The following LDOC1 variants were observed in gnomAD, a reference collection of about 807,000 sequenced individuals.
LDOC1 encodes the protein protein LDOC1.
LDOC1 carries 1 observed loss-of-function variant against 4.9 expected under a neutral mutation model. That is an observed-to-expected ratio of 0.20 (90% CI 0.07 to 0.96). The LOEUF (loss-of-function observed/expected upper bound fraction) is 0.96, where lower values mean the gene tolerates loss of function less well. LDOC1 is among the 40% of genes least tolerant of loss of function. The pLI, the probability that LDOC1 is intolerant of heterozygous loss-of-function variation, is 0.62. For missense variants in LDOC1, 76 were observed against 128.1 expected, an observed-to-expected ratio of 0.59 and a Z score of 1.96; for synonymous variants, 55 against 58.3, an observed-to-expected ratio of 0.94 and a Z score of 0.26.
rs782576203 is a variant in LDOC1, at chrX:141,175,738, A to T, written c.*843T>A. On this transcript the variant is annotated 3_prime_UTR_variant, in exon 1 of 1. Coordinates refer to ENST00000370526, the MANE Select transcript of LDOC1 (RefSeq NM_012317.4). Reference sequence around the variant, plus strand: ...AGTGATAGCACTTAACCATTAAAAGACAATCATTTCTTTTTTTAGTGCTTG... The same window carrying T: ...AGTGATAGCACTTAACCATTAAAAGTCAATCATTTCTTTTTTTAGTGCTTG... The T allele has an allele frequency of 8.9e-6, 1 of 112,609 alleles. No homozygotes were observed. Among genetic ancestry groups the T allele is most frequent in the Non-Finnish European group, 1.9e-5 (1 of 53,326 alleles). 9.3% of individuals were successfully genotyped at this position (112,609 alleles called of 1,213,427 possible).
In LDOC1 at chrX:141,176,871, C is replaced by T. The variant is rs2013622648; in HGVS notation, c.151G>A (p.Val51Met). The change falls in exon 1 of 1, where the codon GTG (valine) becomes ATG (methionine). Residue 51 changes from valine to methionine, a missense_variant. By Grantham distance (21) the Val-to-Met change is conservative (BLOSUM62 1). Transcript: ENST00000370526. Reference protein sequence around the residue: ...LRQVRPPSCPVPFPETFNGES... With the variant: ...LRQVRPPSCPMPFPETFNGES... ...CCATTAAACGTTTCGGGGAAGGGCA[C>T]CGGGCAGCTCGGCGGACGTACCTGG... 1 of 1,211,676 alleles carries T rather than the reference C, an allele frequency of 8.3e-7. No homozygotes were observed. The highest frequency in any genetic ancestry group is 2.2e-5 in the Admixed American group (1 of 46,107).
Position 141,177,083 on chromosome X carries a change from C to T in LDOC1, c.-62G>A. 2 of 1,133,021 alleles carry T rather than the reference C, an allele frequency of 1.8e-6. No homozygotes were observed. Among genetic ancestry groups the T allele is most frequent in the Non-Finnish European group, 2.3e-6 (2 of 854,929 alleles). The allele number at this position is 1,133,021 out of a possible 1,213,427, so 93.4% of individuals were successfully genotyped here. ...CGGCTCGGCCAAGGTGCGCACGGAG[C>T]CCTCGCAGGAAGTGCGTGTCCACGG... On this transcript the variant is annotated 5_prime_UTR_variant, in exon 1 of 1. Coordinates refer to ENST00000370526, the MANE Select transcript of LDOC1 (RefSeq NM_012317.4).
rs782745113 is a variant in LDOC1, at chrX:141,177,107, G to T, written c.-86C>A. Reference sequence around the variant, plus strand: ...GCCCTCGCAGGAAGTGCGTGTCCACGGAGGCGCTTGGTGGCCAGGGGCGGG... The same window carrying T: ...GCCCTCGCAGGAAGTGCGTGTCCACTGAGGCGCTTGGTGGCCAGGGGCGGG... On this transcript the variant is annotated 5_prime_UTR_variant, in exon 1 of 1. Coordinates refer to ENST00000370526, the MANE Select transcript of LDOC1 (RefSeq NM_012317.4). 5.6e-6 allele frequency: 4 copies of T among 710,606 alleles called. No homozygotes were observed. The East Asian group carries it at 1.7e-4, about 31-fold the overall frequency. 58.6% of individuals were successfully genotyped at this position (710,606 alleles called of 1,213,427 possible).
rs781860027 is a variant in LDOC1, at chrX:141,174,700, C to G, written c.*1881G>C. 6.2e-5 allele frequency among the ~76,000 whole-genome samples: 7 copies of G among 112,079 alleles called. No homozygotes were observed. The highest frequency in any genetic ancestry group is 1.3e-4 in the Non-Finnish European group (7 of 53,254). On this transcript the variant is annotated 3_prime_UTR_variant, in exon 1 of 1. Coordinates refer to ENST00000370526, the MANE Select transcript of LDOC1 (RefSeq NM_012317.4). ...ACCTATGAGGTGATTAATATGAAGACCCATATCTCATTTAATCAACACTGA... is the reference window on the plus strand; with the variant it reads ...ACCTATGAGGTGATTAATATGAAGAGCCATATCTCATTTAATCAACACTGA...
In LDOC1 at chrX:141,176,710, C is replaced by T; in HGVS notation, c.312G>A (p.Val104=). 8.2e-7 allele frequency: 1 copy of T among 1,212,232 alleles called. No homozygotes were observed. Among genetic ancestry groups the T allele is most frequent in the African/African-American group, 1.7e-5 (1 of 57,976 alleles). Residue 104 remains valine (V), a synonymous_variant, in exon 1 of 1, where the codon GTG becomes GTA. Coordinates refer to ENST00000370526, the MANE Select transcript of LDOC1 (RefSeq NM_012317.4). ...SLLTGEAEEW[V]VPYIEMDSPI... ...GGCTATCCATCTCGATGTAGGGCAC[C>T]ACCCACTCCTCGGCTTCCCCGGTGA...
In LDOC1 at chrX:141,173,406, T is replaced by A. The variant is rs2013589043; in HGVS notation, c.*3175A>T. 1 of 111,904 alleles carries A rather than the reference T, an allele frequency of 8.9e-6. No individual in the cohort carries two copies. Among genetic ancestry groups the A allele is most frequent in the African/African-American group, 3.2e-5 (1 of 30,770 alleles). The allele number at this position is 111,904 out of a possible 1,213,427, so 9.2% of individuals were successfully genotyped here. A position where few individuals can be genotyped will look rare whatever the true frequency, so the allele number is the denominator to read the frequency against. ...TCCTACCTATTTTTAATAGTTTTGA[T>A]CAAAGTGGCACTTTTATCCTTAGAC... On this transcript the variant is annotated 3_prime_UTR_variant, in exon 1 of 1. Coordinates refer to ENST00000370526, the MANE Select transcript of LDOC1 (RefSeq NM_012317.4).
chrX:141,175,825 C>T lies in LDOC1; in HGVS notation c.*756G>A, dbSNP rs2013608578. ...TAGTATTGAGGAGCTGGGCTGAGTG[C>T]TTGTTTGTTTTGTTTTTAAGTACTA... On this transcript the variant is annotated 3_prime_UTR_variant, in exon 1 of 1. Coordinates refer to ENST00000370526, the MANE Select transcript of LDOC1 (RefSeq NM_012317.4). The T allele has an allele frequency of 8.9e-6, 1 of 112,599 alleles. No individual in the cohort carries two copies. Among genetic ancestry groups the T allele is most frequent in the South Asian group, 3.7e-4 (1 of 2,704 alleles). The allele number at this position is 112,599 out of a possible 1,213,427, so 9.3% of individuals were successfully genotyped here.
chrX:141,176,651 T>C lies in LDOC1; in HGVS notation c.371A>G (p.Glu124Gly), dbSNP rs1267586753. ...ILGDYRAFLD[E>G]MKQCFGWDDD... ...ATCCCAGCCAAAGCACTGTTTCATC[T>C]CATCGAGGAAGGCCCGGTAATCACC... The change falls in exon 1 of 1, where the codon GAG becomes GGG. Residue 124 changes from glutamate (E) to glycine (G), a missense_variant. Glu to Gly is a moderately conservative substitution (Grantham distance 98, BLOSUM62 -2). Transcript: ENST00000370526. 8 of 1,209,990 alleles carry C rather than the reference T, an allele frequency of 6.6e-6. No individual in the cohort carries two copies. Among genetic ancestry groups the C allele is most frequent in the Non-Finnish European group, 8.9e-6 (8 of 895,127 alleles).
Position 141,175,016 on chromosome X carries a change from C to T in LDOC1, c.*1565G>A, listed in dbSNP as rs782587538. Among the ~76,000 whole-genome samples, 1 of 111,372 alleles carries T rather than the reference C, an allele frequency of 9.0e-6. No homozygotes were observed. The highest frequency in any genetic ancestry group is 1.9e-5 in the Non-Finnish European group (1 of 53,082). On this transcript the variant is annotated 3_prime_UTR_variant, in exon 1 of 1. Transcript: ENST00000370526. Reference sequence around the variant, plus strand: ...TGCAGCTTCTTCTCAGCAGCCACCCCCTTCACTGCTCTGAACCCTCCAGGC... The same window carrying T: ...TGCAGCTTCTTCTCAGCAGCCACCCTCTTCACTGCTCTGAACCCTCCAGGC...
Position 141,176,110 on chromosome X carries a change from T to G in LDOC1, c.*471A>C. On this transcript the variant is annotated 3_prime_UTR_variant, in exon 1 of 1. Transcript: ENST00000370526. ...ATAGCCAACTCTGGCATTTTCCAGG[T>G]TGGTCCTGATCTCGAAAGGTGGTAG... 1 of 136,241 alleles carries G rather than the reference T, an allele frequency of 7.3e-6. No homozygotes were observed. 11.2% of individuals were successfully genotyped at this position (136,241 alleles called of 1,213,427 possible).
chrX:141,176,908 G>A lies in LDOC1; in HGVS notation c.114C>T (p.Ala38=). Residue 38 remains alanine, a synonymous_variant, in exon 1 of 1, where the codon GCC becomes GCT. Transcript: ENST00000370526. The part of the protein sequence containing the change: ...EQLRLLVCER[A]SLLRQVRPPS... ...GCGGACGTACCTGGCGCAGCAGGCT[G>A]GCCCTCTCGCACACCAGCAGCCGCA... The A allele has an allele frequency of 5.0e-6, 6 of 1,211,667 alleles. No individual in the cohort carries two copies. Among genetic ancestry groups the A allele is most frequent in the Non-Finnish European group, 6.7e-6 (6 of 895,474 alleles).
rs1556282889 is a variant in LDOC1 at position 141,174,908 on chromosome X, G to A, written c.*1673C>T. ...ATATCCTCCTAAACCTTTCTAAGAG[G>A]CAGTCCTCTCAAATCCCCAACCAAG... On this transcript the variant is annotated 3_prime_UTR_variant, in exon 1 of 1. Transcript: ENST00000370526. Among the ~76,000 whole-genome samples the A allele has an allele frequency of 1.8e-5, 2 of 111,468 alleles. No homozygotes were observed. The highest frequency in any genetic ancestry group is 1.9e-4 in the Admixed American group (2 of 10,463).
Position 141,176,459 on chromosome X carries a change from C to T in LDOC1, c.*122G>A, listed in dbSNP as rs1024596547. 1.6e-5 allele frequency: 14 copies of T among 859,258 alleles called. No individual in the cohort carries two copies. Among genetic ancestry groups the T allele is most frequent in the South Asian group, 2.6e-5 (1 of 38,650 alleles). The allele number at this position is 859,258 out of a possible 1,213,427, so 70.8% of individuals were successfully genotyped here. ...GAAATGAAGAGAGAGAGCAGACGGGCGCGGGTAGGTAAGGGGACCGGAGGG... is the reference window on the plus strand; with the variant it reads ...GAAATGAAGAGAGAGAGCAGACGGGTGCGGGTAGGTAAGGGGACCGGAGGG... On this transcript the variant is annotated 3_prime_UTR_variant, in exon 1 of 1. Coordinates refer to ENST00000370526, the MANE Select transcript of LDOC1 (RefSeq NM_012317.4).
At position 141,175,871 on chromosome X, in the gene LDOC1, T is replaced by C. The variant is rs2013609068; in HGVS notation, c.*710A>G. 1 of 113,183 alleles carries C rather than the reference T, an allele frequency of 8.8e-6. No individual in the cohort carries two copies. The highest frequency in any genetic ancestry group is 9.4e-5 in the Admixed American group (1 of 10,668). 9.3% of individuals were successfully genotyped at this position (113,183 alleles called of 1,213,427 possible). A position where few individuals can be genotyped will look rare whatever the true frequency, so the allele number is the denominator to read the frequency against. ...TACTATTTGTCCAAATGCACACATC[T>C]GTGGGACTGCTGCAATTTTGAAAGA... On this transcript the variant is annotated 3_prime_UTR_variant, in exon 1 of 1. Transcript: ENST00000370526.
chrX:141,174,439 TA>T lies in LDOC1; in HGVS notation c.*2141del, dbSNP rs1164528712. On this transcript the variant is annotated 3_prime_UTR_variant, in exon 1 of 1. Transcript: ENST00000370526. ...AAACAGCTTTGTTTCTTGCTTCATA[TA>T]AGACTCCAAAAAGTAAATGGGGTCT... Among the ~76,000 whole-genome samples the T allele has an allele frequency of 1.8e-5, 2 of 111,958 alleles. No individual in the cohort carries two copies. The highest frequency in any genetic ancestry group is 3.8e-5 in the Non-Finnish European group (2 of 53,238).
chrX:141,176,435 A>C lies in LDOC1; in HGVS notation c.*146T>G. ...TGGAACAAAGACAAGCACTACGGAG[A>C]AATGAAGAGAGAGAGCAGACGGGCG... On this transcript the variant is annotated 3_prime_UTR_variant, in exon 1 of 1. Coordinates refer to ENST00000370526, the MANE Select transcript of LDOC1 (RefSeq NM_012317.4). 1.4e-6 allele frequency: 1 copy of C among 704,876 alleles called. No individual in the cohort carries two copies. Among genetic ancestry groups the C allele is most frequent in the South Asian group, 2.9e-5 (1 of 34,999 alleles). 58.1% of individuals were successfully genotyped at this position (704,876 alleles called of 1,213,427 possible).
Position 141,174,468 on chromosome X carries a change from T to A in LDOC1, c.*2113A>T, listed in dbSNP as rs144530033. ...ACTCCAAAAAGTAAATGGGGTCTTA[T>A]CATGCTCTCATTTCCATTCTCCCTG... On this transcript the variant is annotated 3_prime_UTR_variant, in exon 1 of 1. Transcript: ENST00000370526. Among the ~76,000 whole-genome samples the A allele has an allele frequency of 6.0e-4, 67 of 111,942 alleles. No individual in the cohort carries two copies. The highest frequency in any genetic ancestry group is 1.9e-3 in the African/African-American group (60 of 30,841).
rs782653115 is a variant in LDOC1, at chrX:141,176,855, G to T, written c.167C>A (p.Thr56Lys). Residue 56 changes from threonine (T) to lysine (K), a missense_variant, in exon 1 of 1, where the codon ACG (threonine) becomes AAG (lysine). Transcript: ENST00000370526. Reference sequence around the variant, plus strand: ...GAGCCGGGAGCTCTCGCCATTAAACGTTTCGGGGAAGGGCACCGGGCAGCT... The same window carrying T: ...GAGCCGGGAGCTCTCGCCATTAAACTTTTCGGGGAAGGGCACCGGGCAGCT... ...PPSCPVPFPE[T>K]FNGESSRLPE... 1 of 1,211,845 alleles carries T rather than the reference G, an allele frequency of 8.3e-7. No homozygotes were observed. The highest frequency in any genetic ancestry group is 1.1e-6 in the Non-Finnish European group (1 of 895,541).
chrX:141,175,203 C>A lies in LDOC1; in HGVS notation c.*1378G>T, dbSNP rs1556282950. Among the ~76,000 whole-genome samples the A allele has an allele frequency of 8.9e-6, 1 of 112,120 alleles. No homozygotes were observed. Among genetic ancestry groups the A allele is most frequent in the Non-Finnish European group, 1.9e-5 (1 of 53,274 alleles). ...GAACGAAATGTTTGTTAAGATCAGG[C>A]TATATCTTTATGGGTGCACTTGCCC... On this transcript the variant is annotated 3_prime_UTR_variant, in exon 1 of 1. Transcript: ENST00000370526.
Sources: gnomAD v4.1 joint callset for allele counts (sites outside exome capture counted in the v4.1 genomes callset) on GRCh38, gnomAD v4.1.1 for gene constraint, MANE v1.5 for transcripts, NCBI Gene and HGNC (gene_info 2026-07-23, HGNC 2026-07-21) for gene names.